MEF2C: variants seen among roughly 807,000 people sequenced by gnomAD.
The protein encoded by MEF2C is myocyte enhancer factor 2C.
A neutral mutation model predicts 50.5 loss-of-function variants in MEF2C; 6 were observed. The observed-to-expected ratio is 0.12, with a 90% CI of 0.07 to 0.23. The LOEUF is 0.23. Ranked by LOEUF, MEF2C falls within the 10% of genes least tolerant of loss-of-function variation. MEF2C has a pLI of 1.00. For missense variants in MEF2C, 276 were observed against 605.0 expected (o/e 0.46, Z 5.70); for synonymous variants, 183 against 228.0 (o/e 0.80, Z 1.78).
chr5:88,724,624 C>G (rs1019859587), intron 10 of MEF2C, among the ~76,000 whole-genome samples: 4 of 152,022 alleles, frequency 2.6e-5, no homozygotes, highest in Non-Finnish European at 2.9e-5. Flanking sequence ...TTATTTGTAG[C>G]TTATTAATTT....
intron 1 of MEF2C, among the ~76,000 whole-genome samples, chr5:88,858,930 A>T (rs1198345365): frequency 3.9e-5 from 6 of 152,226 alleles, no homozygotes; most frequent in Admixed American, 3.9e-4. Flanking sequence ...TTGAAGGAGC[A>T]CTGCAAACCA....
chr5:88,772,042 C>T (rs1272252710), intron 3 of MEF2C: 2 of 152,200 alleles, frequency 1.3e-5, no homozygotes, highest in Non-Finnish European at 2.9e-5. Context: ...AAACTTACTG[C>T]AATAGACACC....
At chr5:88,812,719 G>A (rs551688358) in intron 2 of MEF2C, among the ~76,000 whole-genome samples, 60 of 152,088 alleles carry the variant, frequency 3.9e-4, no homozygotes, top group Non-Finnish European at 7.6e-4. Flanking sequence ...GATGAATACC[G>A]TAAACAAAGA....
At chr5:88,811,088 T>G (rs1289301436) in intron 2 of MEF2C, among the ~76,000 whole-genome samples, 1 of 152,132 alleles carries the variant, frequency 6.6e-6, no homozygotes, top group African/African-American at 2.4e-5. Context: ...AGAACCATCT[T>G]TGGTAGCATA....
intron 1 of MEF2C, among the ~76,000 whole-genome samples, chr5:88,859,524 A>C (rs1824742095): frequency 6.6e-6 from 1 of 152,228 alleles, no homozygotes; most frequent in Non-Finnish European, 1.5e-5. Context: ...TTCCTGTATT[A>C]ATTAACTGAA....
chr5:88,840,827 A>G (rs1342056772), intron 1 of MEF2C, among the ~76,000 whole-genome samples: 2 of 152,222 alleles, frequency 1.3e-5, no homozygotes, highest in Non-Finnish European at 1.5e-5. Flanking sequence ...GGTTTAGATG[A>G]TATTTTCCCA....
rs902316245 is a variant in MEF2C at position 88,739,626 on chromosome 5, G to T, written c.638-7725C>A. ...GAAAAAAAAATTAGTGGAAAAATAT[G>T]ATCTTCTAGACTGCAGTCCTAGCCT... On this transcript the variant is annotated intron_variant, in intron 6 of 10. Transcript: ENST00000504921. 5 of 984,980 alleles carry T rather than the reference G, an allele frequency of 5.1e-6. No individual in the cohort carries two copies. In the African/African-American group the frequency reaches 8.7e-5, roughly 17 times the overall value. 61.0% of individuals were successfully genotyped at this position (984,980 alleles called of 1,614,324 possible).
At chr5:88,756,522 T>C (rs1775393829) in intron 4 of MEF2C, among the ~76,000 whole-genome samples, 1 of 152,200 alleles carries the variant, frequency 6.6e-6, no homozygotes. Context: ...GAATAAACAC[T>C]AGCCTTTCTA....
rs971429224 is a variant in MEF2C, at chr5:88,719,300, T to C, written c.*3304A>G. The C allele has an allele frequency of 1.3e-5, 2 of 152,132 alleles. No homozygotes were observed. The highest frequency in any genetic ancestry group is 4.8e-5 in the African/African-American group (2 of 41,428). The allele number at this position is 152,132 out of a possible 1,614,324, so 9.4% of individuals were successfully genotyped here. ...ATTACAAAATGCTAAATTCCACCTT[T>C]GGGAAAAAATAAGCCATTTTACTAA... On this transcript the variant is annotated 3_prime_UTR_variant, in exon 11 of 11. Coordinates refer to ENST00000504921, the MANE Select transcript of MEF2C (RefSeq NM_002397.5).
intron 3 of MEF2C, among the ~76,000 whole-genome samples, chr5:88,773,982 C>T (rs1025961475): frequency 6.6e-6 from 1 of 152,188 alleles, no homozygotes; most frequent in African/African-American, 2.4e-5. Context: ...GGTTGCTGGT[C>T]AGGGGACAGT....
At chr5:88,858,845 T>A (rs1824450601) in intron 1 of MEF2C, among the ~76,000 whole-genome samples, 1 of 152,220 alleles carries the variant, frequency 6.6e-6, no homozygotes, top group African/African-American at 2.4e-5. Flanking sequence ...GCAGTAATCC[T>A]CAAACTTCAC....
rs920407247 is a variant in MEF2C at position 88,737,594 on chromosome 5, T to C, written c.638-5693A>G. On this transcript the variant is annotated intron_variant, in intron 6 of 10. Coordinates refer to ENST00000504921, the MANE Select transcript of MEF2C (RefSeq NM_002397.5). ...TTTCACCAAAAGATAAGCTGCATGG[T>C]ATCCTAGGGAAAAGAATGGTGGCAG... 1.1e-5 allele frequency: 11 copies of C among 985,398 alleles called. No homozygotes were observed. In the African/African-American group the frequency reaches 1.6e-4, roughly 14 times the overall value. The allele number at this position is 985,398 out of a possible 1,614,324, so 61.0% of individuals were successfully genotyped here. A position where few individuals can be genotyped will look rare whatever the true frequency, so the allele number is the denominator to read the frequency against.
At chr5:88,867,644 TAC>T (rs901000965) in intron 1 of MEF2C, among the ~76,000 whole-genome samples, 29 of 152,336 alleles carry the variant, frequency 1.9e-4, no homozygotes, top group African/African-American at 7.0e-4. Flanking sequence ...TATAAGCTTT[TAC>T]ACACATATCA....
chr5:88,787,462 G>T (rs1459445197), intron 3 of MEF2C, among the ~76,000 whole-genome samples: 10 of 152,166 alleles, frequency 6.6e-5, no homozygotes, highest in Admixed American at 6.5e-4. Context: ...GGAACCTAAA[G>T]CCCAGCAAGG....
intron 1 of MEF2C, among the ~76,000 whole-genome samples, chr5:88,827,988 A>C (rs1811603522): frequency 6.6e-6 from 1 of 151,916 alleles, no homozygotes; most frequent in Admixed American, 6.6e-5. Context: ...TCTTTAAAAA[A>C]ATTCAAACTA....
At chr5:88,856,752 C>A (rs1823555664) in intron 1 of MEF2C, among the ~76,000 whole-genome samples, 2 of 152,198 alleles carry the variant, frequency 1.3e-5, no homozygotes, top group Non-Finnish European at 2.9e-5. Flanking sequence ...ACACAGAAGT[C>A]AGGACGTGAG....
chr5:88,805,837 T>G, intron 2 of MEF2C, among the ~76,000 whole-genome samples: 1 of 141,776 alleles, frequency 7.1e-6, no homozygotes, highest in Admixed American at 7.1e-5. Flanking sequence ...TTTTTTTTTT[T>G]TTTTTTTTTT....
At chr5:88,881,956 G>A (rs1833027068) in intron 1 of MEF2C, among the ~76,000 whole-genome samples, 1 of 152,098 alleles carries the variant, frequency 6.6e-6, no homozygotes, top group South Asian at 2.1e-4. Context: ...TACATATAAA[G>A]TATTTTATAC....
At chr5:88,820,177 T>G (rs1461073235) in intron 2 of MEF2C, among the ~76,000 whole-genome samples, 1 of 151,984 alleles carries the variant, frequency 6.6e-6, no homozygotes, top group African/African-American at 2.4e-5. Context: ...ATGTTATTTT[T>G]ACATACTTGC....
Sources: allele counts gnomAD v4.1 joint callset (sites outside exome capture counted in the v4.1 genomes callset), GRCh38; gene constraint gnomAD v4.1.1; transcripts MANE v1.5; gene names NCBI Gene and HGNC (gene_info 2026-07-23, HGNC 2026-07-21).